Variants in RASGEF1C observed in about 807,000 individuals in gnomAD.
RASGEF1C encodes ras-GEF domain-containing family member 1C.
Under a neutral mutation model 58.1 loss-of-function variants are expected in RASGEF1C, and 27 were observed. The ratio of observed to expected loss-of-function variants is 0.46; its 90% CI spans 0.34 to 0.64. RASGEF1C has a LOEUF of 0.64. Among genes scored for constraint, RASGEF1C ranks in the 30% least tolerant of loss-of-function variants. RASGEF1C has a pLI of 0.01. For synonymous variants in RASGEF1C, 243 were observed against 246.3 expected, an observed-to-expected ratio of 0.99 and a Z score of 0.13; for missense variants, 502 against 605.1, an observed-to-expected ratio of 0.83 and a Z score of 1.79.
Position 180,168,507 on chromosome 5 carries a change from C to T in RASGEF1C, c.-6-30449G>A, listed in dbSNP as rs1767054248. 6.6e-6 allele frequency among the ~76,000 whole-genome samples: 1 copy of T among 152,220 alleles called. No individual in the cohort carries two copies. Among genetic ancestry groups the T allele is most frequent in the Admixed American group, 6.5e-5 (1 of 15,280 alleles). On this transcript the variant is annotated intron_variant, in intron 1 of 13. Transcript: ENST00000361132. The surrounding 1 kb of genome is among the most constrained non-coding windows in gnomAD (Gnocchi z 6.0). ...CTTTCCTGAGCAATCTTTATGGTATCTTCCAGTTTCCTGGGGCTCTGCATT... is the reference window on the plus strand; with the variant it reads ...CTTTCCTGAGCAATCTTTATGGTATTTTCCAGTTTCCTGGGGCTCTGCATT...
At chr5:180,153,231 G>A (rs11249676) in intron 1 of RASGEF1C, among the ~76,000 whole-genome samples, 127,220 of 152,202 alleles carry the variant, frequency 0.84, 57,893 homozygotes, top group East Asian at 1. Flanking sequence ...CTGCACATCC[G>A]TGCTCAGAGG....
At chr5:180,124,622 C>G (rs758854600) in intron 6 of RASGEF1C, among the ~76,000 whole-genome samples, 1 of 151,734 alleles carries the variant, frequency 6.6e-6, no homozygotes, top group Admixed American at 6.6e-5. Context: ...GTCGGGAGTT[C>G]GGGAACAGCC....
chr5:180,121,820 C>T (rs1005194217), intron 6 of RASGEF1C, among the ~76,000 whole-genome samples: 1 of 152,164 alleles, frequency 6.6e-6, no homozygotes, highest in Non-Finnish European at 1.5e-5. Flanking sequence ...CATGAGCGTC[C>T]GCAAGCATCT....
In RASGEF1C at chr5:180,107,092, C is replaced by G. The variant is rs553532131; in HGVS notation, c.1303+4365G>C. ...AATTAATATTGCTACTCTTGCTTTC[C>G]TCTAATTAATATTAGCATGCTATAT... On this transcript the variant is annotated intron_variant, in intron 12 of 13. Transcript: ENST00000361132. 2.6e-5 allele frequency among the ~76,000 whole-genome samples: 4 copies of G among 152,214 alleles called. No individual in the cohort carries two copies. The East Asian group carries it at 7.7e-4, about 29-fold the overall frequency.
chr5:180,131,804 T>A (rs1489438448), intron 4 of RASGEF1C, among the ~76,000 whole-genome samples: 1 of 152,256 alleles, frequency 6.6e-6, no homozygotes, highest in African/African-American at 2.4e-5. Flanking sequence ...GCCTTATTTT[T>A]TAAAAACACA....
At chr5:180,118,472 G>T in intron 10 of RASGEF1C, 137 bp downstream of exon 10, 1 of 773,252 alleles carries the variant, frequency 1.3e-6, no homozygotes, top group Non-Finnish European at 2.1e-6. Flanking sequence ...AGTTCCCCAC[G>T]CTGGAGGCAC....
chr5:180,150,779 C>T (rs888104582), intron 1 of RASGEF1C, among the ~76,000 whole-genome samples: 24 of 152,194 alleles, frequency 1.6e-4, no homozygotes, highest in Admixed American at 3.9e-4. Context: ...TCAAATTGTC[C>T]GTGTTTGCAG....
At chr5:180,112,255 A>G (rs2113241872) in intron 11 of RASGEF1C, among the ~76,000 whole-genome samples, 1 of 152,018 alleles carries the variant, frequency 6.6e-6, no homozygotes, top group African/African-American at 2.4e-5. Context: ...TGTCCACATC[A>G]CCTCCAGCCT....
intron 1 of RASGEF1C, among the ~76,000 whole-genome samples, chr5:180,182,111 A>G (rs1387499052): frequency 2.7e-5 from 4 of 147,050 alleles, no homozygotes; most frequent in Non-Finnish European, 6.0e-5. Flanking sequence ...AGGCTGAGGC[A>G]GGAGAATGGC....
intron 12 of RASGEF1C, among the ~76,000 whole-genome samples, chr5:180,102,568 T>TATAA (rs1765807545): frequency 6.6e-6 from 1 of 152,212 alleles, no homozygotes; most frequent in Admixed American, 6.5e-5. Flanking sequence ...TAATTATTTG[T>TATAA]ATAAGGTGTG....
At chr5:180,103,602 AT>A (rs937176637) in intron 12 of RASGEF1C, among the ~76,000 whole-genome samples, 3 of 151,660 alleles carry the variant, frequency 2.0e-5, no homozygotes, top group Admixed American at 6.6e-5. Flanking sequence ...ATTCTTTGGG[AT>A]TTTTTTTCCT....
chr5:180,144,734 C>T, intron 1 of RASGEF1C, among the ~76,000 whole-genome samples: 1 of 152,210 alleles, frequency 6.6e-6, no homozygotes, highest in East Asian at 1.9e-4. Flanking sequence ...GCACAAGCAT[C>T]ACCACCGTCC....
At chr5:180,134,446 C>T (rs1042201224) in intron 4 of RASGEF1C, among the ~76,000 whole-genome samples, 1 of 151,768 alleles carries the variant, frequency 6.6e-6, no homozygotes, top group Non-Finnish European at 1.5e-5. Context: ...TCTGCCTGGT[C>T]ATAGGACAGA....
Position 180,173,169 on chromosome 5 carries a change from A to G in RASGEF1C, c.-6-35111T>C, listed in dbSNP as rs143740592. Among the ~76,000 whole-genome samples the G allele has an allele frequency of 3.3e-3, 506 of 152,260 alleles. 2 individuals carry two copies. Among genetic ancestry groups the G allele is most frequent in the African/African-American group, 0.012 (483 of 41,534 alleles). On this transcript the variant is annotated intron_variant, in intron 1 of 13. Coordinates refer to ENST00000361132, the MANE Select transcript of RASGEF1C (RefSeq NM_175062.4). ...GCGAATTTACTGGCCTTATTTACAC[A>G]CTGGGGCCTTTCAGGAGAATCAGTG...
At chr5:180,112,964 G>GTGGATGGACAGAGGGATCC (rs1765985702) in intron 11 of RASGEF1C, among the ~76,000 whole-genome samples, 1 of 136,952 alleles carries the variant, frequency 7.3e-6, no homozygotes, top group East Asian at 2.4e-4. Flanking sequence ...CGGAGGGACC[G>GTGGATGGACAGAGGGATCC]GGGATGGACG....
chr5:180,142,774 G>C (rs115460706), intron 1 of RASGEF1C, among the ~76,000 whole-genome samples: 1,659 of 152,196 alleles, frequency 0.011, 32 homozygotes, highest in African/African-American at 0.038. Context: ...AGTCGCTGCT[G>C]TGCCCTCCTC....
At chr5:180,186,252 C>T (rs898607843) in intron 1 of RASGEF1C, among the ~76,000 whole-genome samples, 1 of 152,026 alleles carries the variant, frequency 6.6e-6, no homozygotes, top group Non-Finnish European at 1.5e-5. Context: ...TCTCTATTCA[C>T]AGGTGGCATG....
intron 10 of RASGEF1C, among the ~76,000 whole-genome samples, chr5:180,116,421 C>CGA (rs1051064802): frequency 1.3e-5 from 2 of 152,178 alleles, no homozygotes; most frequent in African/African-American, 4.8e-5. Flanking sequence ...GAGCACCACT[C>CGA]TAAGTATCCC....
intron 6 of RASGEF1C, among the ~76,000 whole-genome samples, chr5:180,122,347 T>C (rs2113258328): frequency 6.6e-6 from 1 of 152,318 alleles, no homozygotes; most frequent in Non-Finnish European, 1.5e-5. Flanking sequence ...TGCCATAACA[T>C]ATCCTTTGGA....
Sources: allele counts gnomAD v4.1 joint callset (sites outside exome capture counted in the v4.1 genomes callset), GRCh38; gene constraint gnomAD v4.1.1; non-coding constraint Gnocchi (gnomAD v3.1); transcripts MANE v1.5; gene names NCBI Gene and HGNC (gene_info 2026-07-23, HGNC 2026-07-21).